Variants in ST7L observed in about 807,000 individuals in gnomAD.
ST7L encodes suppressor of tumorigenicity 7 protein-like.
ST7L carries 57 observed loss-of-function variants against 72.5 expected under a neutral mutation model. That is an observed-to-expected ratio of 0.79 (90% CI 0.64 to 0.98). The LOEUF (loss-of-function observed/expected upper bound fraction) is 0.98, where lower values mean the gene tolerates loss of function less well. Ranked by LOEUF, ST7L falls within the 50% of genes least tolerant of loss-of-function variation. The probability of loss-of-function intolerance (pLI) is 0.00; values close to 1 mark genes in which losing one functional copy is unlikely to be tolerated. For synonymous variants in ST7L, 221 were observed against 240.9 expected (o/e 0.92, Z 0.77); for missense variants, 576 against 672.2 (o/e 0.86, Z 1.58).
Position 112,535,495 on chromosome 1 carries a change from C to T in ST7L, c.1629+6456G>A, listed in dbSNP as rs111570843. Among the ~76,000 whole-genome samples, 634 of 152,072 alleles carry T rather than the reference C, an allele frequency of 4.2e-3. 3 individuals are homozygous for T. Among genetic ancestry groups the T allele is most frequent in the Non-Finnish European group, 6.8e-3 (465 of 67,948 alleles). On this transcript the variant is annotated intron_variant, in intron 14 of 14. Coordinates refer to ENST00000358039, the MANE Select transcript of ST7L (RefSeq NM_017744.5). ...CTGTAATCCCAGCATTTTGGTAGGC[C>T]GGTGTGGACAGATTGCTTGAGCTCA...
At chr1:112,561,926 A>G (rs1660223754) in intron 11 of ST7L, among the ~76,000 whole-genome samples, 2 of 151,868 alleles carry the variant, frequency 1.3e-5, no homozygotes, top group Non-Finnish European at 2.9e-5. Context: ...AGTTACGTAA[A>G]CTAGCTTAAA....
chr1:112,608,695 C>T (rs1485846816), intron 3 of ST7L, among the ~76,000 whole-genome samples: 1 of 152,034 alleles, frequency 6.6e-6, no homozygotes, highest in Non-Finnish European at 1.5e-5. Context: ...TCTTAATATG[C>T]CTTACTCTTA....
At chr1:112,561,739 C>CA (rs1368643454) in intron 11 of ST7L, among the ~76,000 whole-genome samples, 1 of 151,924 alleles carries the variant, frequency 6.6e-6, no homozygotes, top group African/African-American at 2.4e-5. Flanking sequence ...CTTGGCCTCC[C>CA]AAAGTGCTGG....
At chr1:112,557,816 T>C (rs1011437700) in intron 11 of ST7L, among the ~76,000 whole-genome samples, 3 of 152,176 alleles carry the variant, frequency 2.0e-5, no homozygotes, top group African/African-American at 7.2e-5. Flanking sequence ...CAAGAGAGCA[T>C]ACTGCAGGAT....
chr1:112,583,877 G>T (rs1664479481), intron 7 of ST7L, 95 bp downstream of exon 7: 6 of 1,393,328 alleles, frequency 4.3e-6, no homozygotes, highest in Non-Finnish European at 2.9e-6. Flanking sequence ...TAACTAACCT[G>T]TAAGTATTAA....
At chr1:112,590,756 T>C (rs1665572074) in intron 6 of ST7L, among the ~76,000 whole-genome samples, 1 of 152,164 alleles carries the variant, frequency 6.6e-6, no homozygotes, top group Non-Finnish European at 1.5e-5. Context: ...AAAAAAATGC[T>C]GCTAACATGG....
At chr1:112,520,643 C>T, downstream of ST7L, 1 of 916,440 alleles carries the variant, frequency 1.1e-6, no homozygotes, top group Non-Finnish European at 1.7e-6. Context: ...GAGAGTAATC[C>T]ATAGGGACCA....
intron 11 of ST7L, among the ~76,000 whole-genome samples, chr1:112,572,810 G>C (rs762157060): frequency 6.6e-6 from 1 of 151,892 alleles, no homozygotes; most frequent in African/African-American, 2.4e-5. Flanking sequence ...GATTTAACTG[G>C]GTATATCAGA....
Position 112,614,538 on chromosome 1 carries a change from G to T in ST7L, c.288+2275C>A, listed in dbSNP as rs115050521. On this transcript the variant is annotated intron_variant, in intron 2 of 14. Transcript: ENST00000358039. The stretch of plus-strand genomic sequence containing the variant: ...TTTTTTTAGCCAAGAGAAAAATCTC[G>T]TTCTTGTTTGGCATTTCACTTTAAC... Among the ~76,000 whole-genome samples the T allele has an allele frequency of 7.5e-3, 1,147 of 152,054 alleles. 6 individuals carry two copies. Among genetic ancestry groups the T allele is most frequent in the Non-Finnish European group, 0.01 (710 of 67,996 alleles).
chr1:112,570,393 A>G (rs1414410523), intron 11 of ST7L, among the ~76,000 whole-genome samples: 1 of 152,076 alleles, frequency 6.6e-6, no homozygotes, highest in South Asian at 2.1e-4. Context: ...CAGCTTTAAC[A>G]AATTGCACAG....
In ST7L at chr1:112,603,604, C is replaced by G. The variant is rs146293036; in HGVS notation, c.452-2756G>C. ...AATAAGCTGTCTTCTATTAACTGAACTTTTTCTTGTTGTGGGAAATACATT... is the reference window on the plus strand; with the variant it reads ...AATAAGCTGTCTTCTATTAACTGAAGTTTTTCTTGTTGTGGGAAATACATT... On this transcript the variant is annotated intron_variant, in intron 3 of 14. Coordinates refer to ENST00000358039, the MANE Select transcript of ST7L (RefSeq NM_017744.5). Among the ~76,000 whole-genome samples, 5 of 152,330 alleles carry G rather than the reference C, an allele frequency of 3.3e-5. No individual in the cohort carries two copies. In the East Asian group the frequency reaches 9.6e-4, roughly 29 times the overall value.
rs763017573 is a variant in ST7L, at chr1:112,560,888, G to A, written c.1246-4870C>T. Among the ~76,000 whole-genome samples the A allele has an allele frequency of 1.4e-4, 21 of 151,436 alleles. 2 individuals are homozygous for A. Among genetic ancestry groups the A allele is most frequent in the Admixed American group, 7.2e-4 (11 of 15,200 alleles). Reference sequence around the variant, plus strand: ...TGAGGCAGGAGAATTGCTTGAACCCGGGAGGCAGGGGTTGCAGTAAGCCGA... The same window carrying A: ...TGAGGCAGGAGAATTGCTTGAACCCAGGAGGCAGGGGTTGCAGTAAGCCGA... On this transcript the variant is annotated intron_variant, in intron 11 of 14. Transcript: ENST00000358039.
intron 14 of ST7L, chr1:112,529,474 T>C (rs1198822053): frequency 6.6e-6 from 1 of 152,186 alleles, no homozygotes; most frequent in Non-Finnish European, 1.5e-5. Flanking sequence ...ACCCATGGAA[T>C]CTGACATAAG....
intron 11 of ST7L, among the ~76,000 whole-genome samples, chr1:112,568,861 A>AATATATATAAAAATAT (rs1410937307): frequency 8.7e-6 from 1 of 114,918 alleles, no homozygotes; most frequent in African/African-American, 3.5e-5. Context: ...TATAAATATA[A>AATATATATAAAAATAT]ATATATATAT....
At chr1:112,522,014 C>A (rs568401745), downstream of ST7L, 1 of 152,180 alleles carries the variant, frequency 6.6e-6, no homozygotes, top group East Asian at 1.9e-4. Flanking sequence ...AGGATACGTA[C>A]CTGTTCTTTT....
chr1:112,617,988 T>C (rs1487111802), intron 1 of ST7L: 27 of 1,303,656 alleles, frequency 2.1e-5, no homozygotes, highest in East Asian at 5.5e-5. Flanking sequence ...AACCAAAATA[T>C]TTCCGAACAT....
At chr1:112,578,912 A>G (rs1663599353) in intron 9 of ST7L, among the ~76,000 whole-genome samples, 1 of 152,246 alleles carries the variant, frequency 6.6e-6, no homozygotes, top group Non-Finnish European at 1.5e-5. Flanking sequence ...TATGAAGTTG[A>G]AAAAGCTGAA....
intron 11 of ST7L, among the ~76,000 whole-genome samples, chr1:112,564,439 C>T (rs967843026): frequency 1.1e-4 from 17 of 152,164 alleles, no homozygotes; most frequent in African/African-American, 3.9e-4. Context: ...CTATGCCACT[C>T]GGAATGTCAA....
chr1:112,575,796 T>C (rs2101817693), intron 11 of ST7L, among the ~76,000 whole-genome samples: 1 of 152,362 alleles, frequency 6.6e-6, no homozygotes, highest in East Asian at 1.9e-4. Context: ...TGAACCGCTG[T>C]CTTTAAATTT....
Sources: allele counts gnomAD v4.1 joint callset (sites outside exome capture counted in the v4.1 genomes callset), GRCh38; gene constraint gnomAD v4.1.1; transcripts MANE v1.5; gene names NCBI Gene and HGNC (gene_info 2026-07-23, HGNC 2026-07-21).